Variants in RBFOX1 observed in about 807,000 individuals in gnomAD.
RBFOX1 encodes the protein RNA binding fox-1 homolog 1.
Under a neutral mutation model 57.7 loss-of-function variants are expected in RBFOX1, and 8 were observed. The observed-to-expected ratio is 0.14, with a 90% CI of 0.08 to 0.25. The LOEUF is 0.25. Among genes scored for constraint, RBFOX1 ranks in the 10% least tolerant of loss-of-function variants. RBFOX1 has a pLI of 1.00. For synonymous variants in RBFOX1, 326 were observed against 222.4 expected (o/e 1.47, Z -4.15); for missense variants, 611 against 548.5 (o/e 1.11, Z -1.14).
At chr16:6,760,013 G>C (rs1364306397) in intron 3 of RBFOX1, among the ~76,000 whole-genome samples, 1 of 152,198 alleles carries the variant, frequency 6.6e-6, no homozygotes, top group Non-Finnish European at 1.5e-5. Context: ...GGCATTAATA[G>C]TGAAATGGTG....
At chr16:6,061,017 C>G (rs1461471389) in intron 1 of RBFOX1, among the ~76,000 whole-genome samples, 5 of 152,178 alleles carry the variant, frequency 3.3e-5, no homozygotes, top group Non-Finnish European at 7.3e-5. Flanking sequence ...AGGACAGAAC[C>G]TGGTTGGTCC....
chr16:7,668,605 G>C (rs1053125828), intron 13 of RBFOX1, among the ~76,000 whole-genome samples: 1 of 152,054 alleles, frequency 6.6e-6, no homozygotes, highest in Admixed American at 6.6e-5. Context: ...GGTTGTCTGA[G>C]AATGGAGGGT....
At chr16:5,348,317 T>C (rs941017846) in intron 1 of RBFOX1, among the ~76,000 whole-genome samples, 1 of 152,196 alleles carries the variant, frequency 6.6e-6, no homozygotes, top group Non-Finnish European at 1.5e-5. Context: ...TAGTGATTAC[T>C]AGGCATTGGA....
chr16:6,570,863 A>T (rs982493780), intron 2 of RBFOX1, among the ~76,000 whole-genome samples: 1 of 152,210 alleles, frequency 6.6e-6, no homozygotes, highest in African/African-American at 2.4e-5. Context: ...TGGGTGCCTC[A>T]GTTAAGGATG....
At chr16:7,199,094 G>A (rs999337427) in intron 4 of RBFOX1, among the ~76,000 whole-genome samples, 4 of 152,174 alleles carry the variant, frequency 2.6e-5, no homozygotes, top group African/African-American at 7.2e-5. Flanking sequence ...CCTCCCCAGA[G>A]GAAGAACACA....
intron 4 of RBFOX1, among the ~76,000 whole-genome samples, chr16:7,379,595 C>G (rs1162021491): frequency 5.3e-5 from 8 of 152,144 alleles, no homozygotes; most frequent in Admixed American, 3.3e-4. Flanking sequence ...TAAAGAAACT[C>G]AAAATTCAGG....
At chr16:6,153,708 G>T (rs2096817868) in intron 1 of RBFOX1, among the ~76,000 whole-genome samples, 1 of 152,002 alleles carries the variant, frequency 6.6e-6, no homozygotes, top group African/African-American at 2.4e-5. Context: ...GCTAATTTTT[G>T]TATTTTTAGT....
In RBFOX1 at chr16:6,949,202, C is replaced by T. The variant is rs7195006; in HGVS notation, c.-15-102855C>T. Reference sequence around the variant, plus strand: ...AGGTCTAGAATAAAAGCTACAAAAGCTAAATTCCAGGATATAGAAACAAGC... The same window carrying T: ...AGGTCTAGAATAAAAGCTACAAAAGTTAAATTCCAGGATATAGAAACAAGC... On this transcript the variant is annotated intron_variant, in intron 3 of 15. Coordinates refer to ENST00000550418, the MANE Select transcript of RBFOX1 (RefSeq NM_018723.4). 2.2e-4 allele frequency among the ~76,000 whole-genome samples: 33 copies of T among 152,138 alleles called. No individual in the cohort carries two copies. The East Asian group carries it at 5.2e-3, about 24-fold the overall frequency.
At chr16:7,328,572 G>C (rs2096643983) in intron 4 of RBFOX1, 1 of 150,944 alleles carries the variant, frequency 6.6e-6, no homozygotes, top group Non-Finnish European at 1.5e-5. Context: ...CAGGAAAAGA[G>C]GAGTTAATAC....
chr16:5,523,597 A>G (rs1437246925), intron 2 of RBFOX1, among the ~76,000 whole-genome samples: 2 of 151,410 alleles, frequency 1.3e-5, no homozygotes, highest in African/African-American at 4.9e-5. Flanking sequence ...AGCCTGGATG[A>G]CAAAGTGAGA....
chr16:7,478,207 T>C (rs554123035), intron 4 of RBFOX1, among the ~76,000 whole-genome samples: 39 of 152,276 alleles, frequency 2.6e-4, no homozygotes, highest in Admixed American at 1.9e-3. Context: ...ATATAGAAAA[T>C]GTTGCTACCT....
At chr16:6,478,420 T>TAC (rs2095313968) in intron 2 of RBFOX1, among the ~76,000 whole-genome samples, 1 of 18,528 alleles carries the variant, frequency 5.4e-5, no homozygotes, top group Non-Finnish European at 9.5e-5. Context: ...TATATATATA[T>TAC]ATATATATAT....
intron 4 of RBFOX1, among the ~76,000 whole-genome samples, chr16:5,982,870 T>C (rs1048934019): frequency 6.6e-6 from 1 of 152,216 alleles, no homozygotes; most frequent in African/African-American, 2.4e-5. Context: ...TGTCTCAAGA[T>C]GTAGCAGTGT....
intron 3 of RBFOX1, among the ~76,000 whole-genome samples, chr16:5,649,798 A>G (rs939111529): frequency 1.4e-4 from 22 of 152,254 alleles, no homozygotes; most frequent in African/African-American, 5.3e-4. Context: ...TGTGTTGACA[A>G]CATGTACATG....
chr16:6,248,329 A>T (rs1018111151), intron 1 of RBFOX1, among the ~76,000 whole-genome samples: 1 of 152,144 alleles, frequency 6.6e-6, no homozygotes, highest in South Asian at 2.1e-4. Flanking sequence ...GATAATGGGC[A>T]TTTCTAGTTA....
intron 4 of RBFOX1, among the ~76,000 whole-genome samples, chr16:7,213,139 A>C (rs7206899): frequency 0.58 from 88,045 of 152,040 alleles, 25,696 homozygotes; most frequent in Middle Eastern, 0.64. Flanking sequence ...CCAGACCCTG[A>C]AGCCCGAACT....
intron 11 of RBFOX1, among the ~76,000 whole-genome samples, chr16:7,636,401 C>T (rs2061761867): frequency 2.0e-5 from 3 of 152,170 alleles, no homozygotes; most frequent in South Asian, 4.1e-4. Context: ...TATACATCTT[C>T]CTGTTTGAGA....
intron 4 of RBFOX1, among the ~76,000 whole-genome samples, chr16:7,355,292 G>T (rs527245739): frequency 6.6e-6 from 1 of 152,192 alleles, no homozygotes; most frequent in Admixed American, 6.5e-5. Context: ...CTCTGTCAAG[G>T]TCTCTGAGAA....
chr16:6,017,686 A>C (rs2095004048), upstream of RBFOX1, among the ~76,000 whole-genome samples: 1 of 152,206 alleles, frequency 6.6e-6, no homozygotes, highest in African/African-American at 2.4e-5. Context: ...TGCGTGCTTT[A>C]AAAAGTAATA....
Sources: allele counts gnomAD v4.1 joint callset (sites outside exome capture counted in the v4.1 genomes callset), GRCh38; gene constraint gnomAD v4.1.1; transcripts MANE v1.5; gene names NCBI Gene and HGNC (gene_info 2026-07-23, HGNC 2026-07-21).